DMAC2L: variants seen among roughly 807,000 people sequenced by gnomAD.
The protein encoded by DMAC2L is distal membrane arm assembly component 2 like.
In DMAC2L, 21 loss-of-function variants were observed where a neutral mutation model predicts 22.5. The ratio of observed to expected loss-of-function variants is 0.93; its 90% CI spans 0.66 to 1.34. DMAC2L has a LOEUF of 1.34. DMAC2L is among the 40% of genes most tolerant of loss of function. The probability of loss-of-function intolerance (pLI) is 0.00; values close to 1 mark genes in which losing one functional copy is unlikely to be tolerated. For synonymous variants in DMAC2L, 86 were observed against 89.5 expected (o/e 0.96, Z 0.22); for missense variants, 239 against 246.5 (o/e 0.97, Z 0.20).
intron 1 of DMAC2L, chr14:50,312,736 A>C: frequency 2.7e-6 from 1 of 374,904 alleles, no homozygotes; most frequent in Non-Finnish European, 4.8e-6. Context: ...GCCCCAGCCC[A>C]GTCGAGCGTC....
intron 3 of DMAC2L, among the ~76,000 whole-genome samples, chr14:50,322,242 A>G (rs182909765): frequency 3.0e-4 from 46 of 152,330 alleles, no homozygotes; most frequent in Non-Finnish European, 5.7e-4. Context: ...GAATCAATGA[A>G]ACGTTGTGTC....
chr14:50,312,344 G>T lies in DMAC2L; in HGVS notation c.-87G>T. On this transcript the variant is annotated 5_prime_UTR_variant, in exon 1 of 6. Transcript: ENST00000557421. The stretch of plus-strand genomic sequence containing the variant: ...GCGAAGGGCCGGCCAGGGTGCCGCA[G>T]ACGCGGGGACGCTGGCTCGCTCCCT... 1 of 710,626 alleles carries T rather than the reference G, an allele frequency of 1.4e-6. No individual in the cohort carries two copies. The highest frequency in any genetic ancestry group is 2.3e-6 in the Non-Finnish European group (1 of 434,366). 44.0% of individuals were successfully genotyped at this position (710,626 alleles called of 1,614,324 possible). A position where few individuals can be genotyped will look rare whatever the true frequency, so the allele number is the denominator to read the frequency against.
At chr14:50,322,978 G>A in intron 4 of DMAC2L, 1 of 1,344,224 alleles carries the variant, frequency 7.4e-7, no homozygotes, top group Non-Finnish European at 9.5e-7. Flanking sequence ...CCAGGGCCTT[G>A]TTTGTCAAAC....
At chr14:50,312,235 C>T (rs1216851284), upstream of DMAC2L, 5 of 1,544,500 alleles carry the variant, frequency 3.2e-6, no homozygotes, top group Admixed American at 3.7e-5. Context: ...TTAGCCCCGC[C>T]CCTCACGCGG....
Position 50,326,043 on chromosome 14 carries a change from C to A in DMAC2L, c.*320C>A. On this transcript the variant is annotated 3_prime_UTR_variant, in exon 6 of 6. Coordinates refer to ENST00000557421, the MANE Select transcript of DMAC2L (RefSeq NM_001382507.1). ...TCAGGAGTTCAAGACCAACCATGGC[C>A]AACATGGTGAAACCCCATCTCTACT... 4.2e-6 allele frequency: 2 copies of A among 477,788 alleles called. No individual in the cohort carries two copies. The highest frequency in any genetic ancestry group is 7.8e-5 in the South Asian group (1 of 12,888). 29.6% of individuals were successfully genotyped at this position (477,788 alleles called of 1,614,324 possible). A position where few individuals can be genotyped will look rare whatever the true frequency, so the allele number is the denominator to read the frequency against.
At position 50,319,399 on chromosome 14, in the gene DMAC2L, CT is replaced by C. The variant is rs1046093178; in HGVS notation, c.-5-2081del. 2.9e-5 allele frequency: 42 copies of C among 1,470,902 alleles called. No individual in the cohort carries two copies. The African/African-American group carries it at 5.9e-4, about 21-fold the overall frequency. 91.1% of individuals were successfully genotyped at this position (1,470,902 alleles called of 1,614,324 possible). Reference sequence around the variant, plus strand: ...TTTAAGGTGTTTCCCTCTCAGGCATCTTTCTAGTCCTCTTCTTTCTCTTGAA... The same window carrying C: ...TTTAAGGTGTTTCCCTCTCAGGCATCTTCTAGTCCTCTTCTTTCTCTTGAA... On this transcript the variant is annotated intron_variant, in intron 2 of 5. Coordinates refer to ENST00000557421, the MANE Select transcript of DMAC2L (RefSeq NM_001382507.1).
intron 1 of DMAC2L, 128 bp from the exon 2 acceptor site, chr14:50,314,463 A>G: frequency 6.7e-6 from 3 of 448,520 alleles, no homozygotes; most frequent in South Asian, 3.1e-5. Context: ...ATGGACTAAT[A>G]CAAGTACATT....
At position 50,319,438 on chromosome 14, in the gene DMAC2L, G is replaced by A. The variant is rs547693356; in HGVS notation, c.-5-2045G>A. ...TCTTTCTCTTGAATTCCAGAACCAT[G>A]TAATGATTGAGGAAAGGACCCTGGG... On this transcript the variant is annotated intron_variant, in intron 2 of 5. Coordinates refer to ENST00000557421, the MANE Select transcript of DMAC2L (RefSeq NM_001382507.1). 1,343 of 1,344,808 alleles carry A rather than the reference G, an allele frequency of 1.0e-3. 19 individuals carry two copies. The South Asian group carries it at 0.018, about 18-fold the overall frequency. The allele number at this position is 1,344,808 out of a possible 1,614,324, so 83.3% of individuals were successfully genotyped here. A position where few individuals can be genotyped will look rare whatever the true frequency, so the allele number is the denominator to read the frequency against.
intron 2 of DMAC2L, chr14:50,319,362 C>G: frequency 1.3e-6 from 2 of 1,534,658 alleles, no homozygotes; most frequent in African/African-American, 2.7e-5. Context: ...CATCCTCAAT[C>G]ACTTCCTCAG....
chr14:50,317,631 G>T (rs950664961), intron 2 of DMAC2L, among the ~76,000 whole-genome samples: 2 of 152,088 alleles, frequency 1.3e-5, no homozygotes, highest in African/African-American at 4.8e-5. Context: ...TTAGCCGGAC[G>T]TGGTGGTGGG....
chr14:50,318,007 G>C (rs2031958376), intron 2 of DMAC2L, among the ~76,000 whole-genome samples: 1 of 152,174 alleles, frequency 6.6e-6, no homozygotes. Context: ...AGATGATCAT[G>C]TGATTTTTGT....
rs570547930 is a variant in DMAC2L, at chr14:50,313,064, A to G, written c.-42+675A>G. ...GAGCAGCGACTCACCTGTGCAGGTCACTTCACCTGATTCCCTTTATGTAAA... is the reference window on the plus strand; with the variant it reads ...GAGCAGCGACTCACCTGTGCAGGTCGCTTCACCTGATTCCCTTTATGTAAA... On this transcript the variant is annotated intron_variant, in intron 1 of 5. Transcript: ENST00000557421. The G allele has an allele frequency of 3.3e-5, 53 of 1,607,584 alleles. No homozygotes were observed. In the Admixed American group the frequency reaches 8.7e-4, roughly 26 times the overall value.
intron 2 of DMAC2L, among the ~76,000 whole-genome samples, chr14:50,316,588 A>T (rs2031820253): frequency 6.6e-6 from 1 of 152,166 alleles, no homozygotes; most frequent in Non-Finnish European, 1.5e-5. Context: ...AGAGATGAGG[A>T]TCCAGTTTCA....
rs2032732858 is a variant in DMAC2L, at chr14:50,327,082, C to G, written c.*1359C>G. ...AAAGGGCTGGCCTGTAATCCCAGCA[C>G]TTTTGAAGGCCAAGGCAGGCAGATC... On this transcript the variant is annotated 3_prime_UTR_variant, in exon 6 of 6. Transcript: ENST00000557421. 2 of 152,050 alleles carry G rather than the reference C, an allele frequency of 1.3e-5. No individual in the cohort carries two copies. Among genetic ancestry groups the G allele is most frequent in the African/African-American group, 4.8e-5 (2 of 41,358 alleles). 9.4% of individuals were successfully genotyped at this position (152,050 alleles called of 1,614,324 possible).
intron 4 of DMAC2L, chr14:50,323,172 G>C (rs371079224): frequency 6.2e-5 from 24 of 387,738 alleles, no homozygotes; most frequent in African/African-American, 5.5e-4. Flanking sequence ...TGCAAGCTCT[G>C]CCTCCCAGGT....
At chr14:50,318,155 G>GTT (rs1359608600) in intron 2 of DMAC2L, among the ~76,000 whole-genome samples, 2 of 152,086 alleles carry the variant, frequency 1.3e-5, no homozygotes, top group Non-Finnish European at 2.9e-5. Flanking sequence ...TCTAATTTGC[G>GTT]TTTAACTGGG....
In DMAC2L at chr14:50,321,592, T is replaced by TA. The variant is rs2032280773; in HGVS notation, c.107dup (p.Val37GlyfsTer4). 2 of 1,605,422 alleles carry TA rather than the reference T, an allele frequency of 1.2e-6. No homozygotes were observed. Among genetic ancestry groups the TA allele is most frequent in the Non-Finnish European group, 1.7e-6 (2 of 1,172,248 alleles). ...GGGGCTGGTTGAATGCAGTGTTTAATAAGTAAGTTACTCTAAATAAAGTGA... is the reference window on the plus strand; with the variant it reads ...GGGGCTGGTTGAATGCAGTGTTTAATAAAGTAAGTTACTCTAAATAAAGTGA... On this transcript the variant is annotated frameshift_variant and splice_region_variant, in exon 3 of 6. Coordinates refer to ENST00000557421, the MANE Select transcript of DMAC2L (RefSeq NM_001382507.1). LOFTEE classifies it high-confidence loss of function.
At chr14:50,322,123 A>G (rs2032324906) in intron 3 of DMAC2L, among the ~76,000 whole-genome samples, 1 of 152,244 alleles carries the variant, frequency 6.6e-6, no homozygotes, top group Non-Finnish European at 1.5e-5. Flanking sequence ...CCACAGATTC[A>G]GAATTATTTT....
rs561457862 is a variant in DMAC2L, at chr14:50,321,060, T to G, written c.-5-423T>G. Among the ~76,000 whole-genome samples the G allele has an allele frequency of 3.3e-5, 5 of 152,326 alleles. No homozygotes were observed. The East Asian group carries it at 5.8e-4, about 18-fold the overall frequency. ...AGATCTATTTTCATGTCTCCTCTTC[T>G]TTCCTGGATGCAAGCATCTTAACCT... On this transcript the variant is annotated intron_variant, in intron 2 of 5. Coordinates refer to ENST00000557421, the MANE Select transcript of DMAC2L (RefSeq NM_001382507.1).
Sources: allele counts gnomAD v4.1 joint callset (sites outside exome capture counted in the v4.1 genomes callset), GRCh38; gene constraint gnomAD v4.1.1; transcripts MANE v1.5; gene names NCBI Gene and HGNC (gene_info 2026-07-23, HGNC 2026-07-21).